The following ATXN2 variants were observed in gnomAD, a reference collection of about 807,000 sequenced individuals.
ATXN2 encodes the protein ataxin-2.
Under a neutral mutation model 138.6 loss-of-function variants are expected in ATXN2, and 37 were observed. That is an observed-to-expected ratio of 0.27 (90% CI 0.21 to 0.35). The LOEUF (loss-of-function observed/expected upper bound fraction) is 0.35. Ranked by LOEUF, ATXN2 falls within the 10% of genes least tolerant of loss-of-function variation. The pLI, the probability that ATXN2 is intolerant of heterozygous loss-of-function variation, is 1.00. For missense variants in ATXN2, 1,216 were observed against 1,480.3 expected (o/e 0.82, Z 2.93); for synonymous variants, 549 against 543.7 (o/e 1.01, Z -0.13).
chr12:111,537,060 G>C (rs1015641679), intron 5 of ATXN2, among the ~76,000 whole-genome samples: 5 of 151,860 alleles, frequency 3.3e-5, no homozygotes, highest in Admixed American at 3.3e-4. Flanking sequence ...TGGGATTACA[G>C]AGGCATGAGC....
chr12:111,464,559 G>A (rs1251056584), intron 21 of ATXN2, 103 bp downstream of exon 21: 5 of 845,700 alleles, frequency 5.9e-6, no homozygotes, highest in South Asian at 2.1e-5. Context: ...TAATTTGACT[G>A]GCACAAGGAA....
Position 111,518,253 on chromosome 12 carries a change from A to G in ATXN2, c.1161T>C (p.Asn387=). ...PNSGSDQRVV[N]GGVPWPSPCP... Reference sequence around the variant, plus strand: ...AAGTCTGGTCAAAATACTTGCCTCCATTAACTACTCTTTGGTCTGAACCAG... The same window carrying G: ...AAGTCTGGTCAAAATACTTGCCTCCGTTAACTACTCTTTGGTCTGAACCAG... Residue 387 remains asparagine (N), a synonymous_variant, in exon 9 of 25, where the codon AAT becomes AAC. Coordinates refer to ENST00000673436, the MANE Select transcript of ATXN2 (RefSeq NM_001372574.1). 1 of 1,591,542 alleles carries G rather than the reference A, an allele frequency of 6.3e-7. No homozygotes were observed. The highest frequency in any genetic ancestry group is 2.2e-5 in the East Asian group (1 of 44,486).
intron 18 of ATXN2, among the ~76,000 whole-genome samples, chr12:111,482,112 G>A (rs1877278482): frequency 6.6e-6 from 1 of 151,936 alleles, no homozygotes. Flanking sequence ...AGCACTTTGG[G>A]AGGCCGAGGG....
At chr12:111,502,335 A>G (rs531227518) in intron 14 of ATXN2, among the ~76,000 whole-genome samples, 19 of 152,258 alleles carry the variant, frequency 1.2e-4, no homozygotes, top group African/African-American at 4.6e-4. Flanking sequence ...ATTGGAATAT[A>G]TTGTTCTAAT....
rs191788575 is a variant in ATXN2, at chr12:111,483,591, A to C, written c.2524+1674T>G. Among the ~76,000 whole-genome samples the C allele has an allele frequency of 6.6e-5, 10 of 151,446 alleles. No individual in the cohort carries two copies. The East Asian group carries it at 1.4e-3, about 21-fold the overall frequency. On this transcript the variant is annotated intron_variant, in intron 18 of 24. Coordinates refer to ENST00000673436, the MANE Select transcript of ATXN2 (RefSeq NM_001372574.1). ...AGGATGGTTTTGTACTCCTGACCTCAAGTGATCTGCCCACCTCGGCTTCCC... is the reference window on the plus strand; with the variant it reads ...AGGATGGTTTTGTACTCCTGACCTCCAGTGATCTGCCCACCTCGGCTTCCC...
At chr12:111,499,379 G>A (rs1398481743) in intron 14 of ATXN2, among the ~76,000 whole-genome samples, 9 of 152,152 alleles carry the variant, frequency 5.9e-5, no homozygotes, top group African/African-American at 2.2e-4. Flanking sequence ...AATTAAAAAT[G>A]GGCAAAAGAT....
intron 5 of ATXN2, among the ~76,000 whole-genome samples, chr12:111,545,875 G>C (rs548190624): frequency 6.6e-6 from 1 of 151,308 alleles, no homozygotes; most frequent in African/African-American, 2.4e-5. Flanking sequence ...TGAGGTGAGA[G>C]GATCACCTGA....
chr12:111,503,959 A>G (rs139649002), intron 14 of ATXN2, among the ~76,000 whole-genome samples: 46 of 152,312 alleles, frequency 3.0e-4, no homozygotes, highest in African/African-American at 1.1e-3. Flanking sequence ...GTTATTAGTA[A>G]GAGGCTAAAT....
chr12:111,579,539 G>A (rs1373073857), intron 1 of ATXN2, among the ~76,000 whole-genome samples: 1 of 152,052 alleles, frequency 6.6e-6, no homozygotes, highest in Non-Finnish European at 1.5e-5. Flanking sequence ...TGGGATTACA[G>A]GCGTGAGACA....
chr12:111,595,838 T>C (rs952159767), intron 1 of ATXN2, among the ~76,000 whole-genome samples: 6 of 147,300 alleles, frequency 4.1e-5, no homozygotes, highest in African/African-American at 1.6e-4. Context: ...GGCTGGCGAA[T>C]CACTTGAGGT....
Position 111,519,889 on chromosome 12 carries a change from T to C in ATXN2, c.976A>G (p.Ile326Val). ...ATTTCCTTTAAATACCTAGTGTTTA[T>C]GCTGTGCCCCTCACGTTCACTGGAA... ...RNSSEREGHSINTRENKYIPP... is the reference protein window; with the variant it reads ...RNSSEREGHSVNTRENKYIPP... Residue 326 changes from isoleucine to valine, a missense_variant, in exon 8 of 25, where the codon ATA becomes GTA. Transcript: ENST00000673436. 1 of 1,614,172 alleles carries C rather than the reference T, an allele frequency of 6.2e-7. No individual in the cohort carries two copies. The highest frequency in any genetic ancestry group is 8.5e-7 in the Non-Finnish European group (1 of 1,179,994).
intron 5 of ATXN2, among the ~76,000 whole-genome samples, chr12:111,529,647 C>A (rs535257527): frequency 6.6e-6 from 1 of 152,234 alleles, no homozygotes; most frequent in East Asian, 1.9e-4. Context: ...AGAAATGTCT[C>A]GACCAACGTG....
chr12:111,483,259 T>A (rs961482540), intron 18 of ATXN2, among the ~76,000 whole-genome samples: 1 of 144,472 alleles, frequency 6.9e-6, no homozygotes, highest in Non-Finnish European at 1.5e-5. Context: ...AAAAAACACA[T>A]TGAGGAAATC....
At position 111,456,091 on chromosome 12, in the gene ATXN2, T is replaced by A; in HGVS notation, c.3208A>T (p.Ile1070Phe). ...GCCGGCTGAACGTGAGAAGGATGGA[T>A]CGTAAAGACAGTCTGTTGTGCTGCT... ...FPAAQQTVFT[I>F]HPSHVQPAYT... Residue 1070 changes from isoleucine (I) to phenylalanine (F), a missense_variant, in exon 23 of 25, where the codon ATC (isoleucine) becomes TTC (phenylalanine). Physicochemically the swap from Ile to Phe is conservative, Grantham distance 21 (BLOSUM62 0). Coordinates refer to ENST00000673436, the MANE Select transcript of ATXN2 (RefSeq NM_001372574.1). The A allele has an allele frequency of 6.2e-7, 1 of 1,614,098 alleles. No homozygotes were observed. The highest frequency in any genetic ancestry group is 1.1e-5 in the South Asian group (1 of 91,086).
intron 1 of ATXN2, among the ~76,000 whole-genome samples, chr12:111,575,710 A>G (rs1883600099): frequency 6.6e-6 from 1 of 152,184 alleles, no homozygotes; most frequent in South Asian, 2.1e-4. Flanking sequence ...AAATAAAAAA[A>G]GGGGAGGAAA....
At chr12:111,583,518 C>A (rs1592928472) in intron 1 of ATXN2, among the ~76,000 whole-genome samples, 1 of 151,988 alleles carries the variant, frequency 6.6e-6, no homozygotes, top group African/African-American at 2.4e-5. Flanking sequence ...GTAATCCCAG[C>A]ACGTTGGGAG....
In ATXN2 at chr12:111,598,319, G is replaced by C. The variant is rs920157536; in HGVS notation, c.251+465C>G. On this transcript the variant is annotated intron_variant, in intron 1 of 24. Transcript: ENST00000673436. The surrounding 1 kb of genome is among the most constrained non-coding windows in gnomAD (Gnocchi z 4.5). ...ACGCGGCCCTAACTTCTCCCCTCCA[G>C]AGATGTCCCCCATGGAGGGGGACAT... 1.0e-6 allele frequency: 1 copy of C among 997,392 alleles called. No individual in the cohort carries two copies. Among genetic ancestry groups the C allele is most frequent in the African/African-American group, 1.7e-5 (1 of 57,502 alleles). The allele number at this position is 997,392 out of a possible 1,614,324, so 61.8% of individuals were successfully genotyped here.
At chr12:111,532,814 G>A (rs768506933) in intron 5 of ATXN2, among the ~76,000 whole-genome samples, 9 of 149,898 alleles carry the variant, frequency 6.0e-5, no homozygotes, top group Non-Finnish European at 1.3e-4. Context: ...GTGAGGGACT[G>A]GAAGGAGTGG....
chr12:111,573,872 T>G (rs1399905814), intron 1 of ATXN2, among the ~76,000 whole-genome samples: 1 of 130,804 alleles, frequency 7.6e-6, no homozygotes, highest in Non-Finnish European at 1.5e-5. Flanking sequence ...TTTTCTTTCT[T>G]TTTTTTTTTT....
Sources: allele counts gnomAD v4.1 joint callset (sites outside exome capture counted in the v4.1 genomes callset), GRCh38; gene constraint gnomAD v4.1.1; non-coding constraint Gnocchi (gnomAD v3.1); transcripts MANE v1.5; gene names NCBI Gene and HGNC (gene_info 2026-07-23, HGNC 2026-07-21).